Variants in DLGAP2 observed in about 807,000 individuals in gnomAD.
The protein encoded by DLGAP2 is disks large-associated protein 2.
A neutral mutation model predicts 100.3 loss-of-function variants in DLGAP2; 26 were observed. The ratio of observed to expected loss-of-function variants is 0.26; its 90% confidence interval spans 0.19 to 0.36. The LOEUF is 0.36. Ranked by LOEUF, DLGAP2 falls within the 10% of genes least tolerant of loss-of-function variation. DLGAP2 has a pLI of 1.00. For synonymous variants in DLGAP2, 886 were observed against 630.1 expected (o/e 1.41, Z -6.08); for missense variants, 1,858 against 1,453.2 (o/e 1.28, Z -4.53).
intron 3 of DLGAP2, among the ~76,000 whole-genome samples, chr8:1,501,131 C>G (rs934924619): frequency 2.0e-5 from 3 of 152,116 alleles, no homozygotes; most frequent in Admixed American, 6.5e-5. Flanking sequence ...ATGTCCGTGT[C>G]TAGGTGGGAG....
intron 3 of DLGAP2, among the ~76,000 whole-genome samples, chr8:1,384,265 A>T (rs530921886): frequency 1.3e-5 from 2 of 152,256 alleles, no homozygotes; most frequent in Non-Finnish European, 2.9e-5. Flanking sequence ...TTGTGACTGC[A>T]CAGTCGCTGC....
At chr8:1,097,392 C>A (rs1200316532) in intron 2 of DLGAP2, among the ~76,000 whole-genome samples, 1 of 131,862 alleles carries the variant, frequency 7.6e-6, no homozygotes, top group Non-Finnish European at 1.6e-5. Context: ...GAGCCCGGGG[C>A]AGGCCTTCAC....
chr8:1,391,857 C>T (rs55831993), intron 3 of DLGAP2, among the ~76,000 whole-genome samples: 3,527 of 152,330 alleles, frequency 0.023, 110 homozygotes, highest in African/African-American at 0.07. Flanking sequence ...CTCCAAGACC[C>T]GAGTATGTGT....
At chr8:874,840 T>A (rs535519953) in intron 1 of DLGAP2, among the ~76,000 whole-genome samples, 25 of 152,322 alleles carry the variant, frequency 1.6e-4, no homozygotes, top group African/African-American at 5.5e-4. Context: ...GTTGAACTTG[T>A]GTCTTCATTT....
chr8:1,456,405 A>G (rs1798313756), intron 3 of DLGAP2, among the ~76,000 whole-genome samples: 1 of 152,084 alleles, frequency 6.6e-6, no homozygotes, highest in Admixed American at 6.6e-5. Flanking sequence ...ACATCAAAGC[A>G]TTTTCAAGGC....
chr8:1,297,423 C>G (rs574308797), intron 3 of DLGAP2, among the ~76,000 whole-genome samples: 1 of 149,996 alleles, frequency 6.7e-6, no homozygotes, highest in Non-Finnish European at 1.5e-5. Context: ...GTGGCATGCG[C>G]GAACAGACAC....
chr8:1,005,245 G>A (rs73538144), intron 2 of DLGAP2, among the ~76,000 whole-genome samples: 6,151 of 152,226 alleles, frequency 0.04, 346 homozygotes, highest in African/African-American at 0.13. Flanking sequence ...TGAGGGAACA[G>A]CTGTGGAGCT....
At chr8:1,325,293 A>G (rs1015210087) in intron 3 of DLGAP2, among the ~76,000 whole-genome samples, 4 of 152,164 alleles carry the variant, frequency 2.6e-5, no homozygotes, top group South Asian at 4.1e-4. Context: ...TCTTTCCTGG[A>G]CCAAGGAAGT....
In DLGAP2 at chr8:1,691,638, C is replaced by T. The variant is rs557276808; in HGVS notation, c.2796+12C>T. 7 of 1,605,330 alleles carry T rather than the reference C, an allele frequency of 4.4e-6. No homozygotes were observed. Among genetic ancestry groups the T allele is most frequent in the South Asian group, 3.3e-5 (3 of 90,504 alleles). On this transcript the variant is annotated intron_variant, in intron 13 of 14. Coordinates refer to ENST00000637795, the MANE Select transcript of DLGAP2 (RefSeq NM_001346810.2). ...GCCAACAGAATATGGTAAGTGAATC[C>T]TCAGTGAACCCCTGTTCCCTGTAAC...
intron 2 of DLGAP2, among the ~76,000 whole-genome samples, chr8:997,596 G>T (rs1030863809): frequency 6.6e-6 from 1 of 152,060 alleles, no homozygotes; most frequent in African/African-American, 2.4e-5. Context: ...GTAACTATTT[G>T]ATTTTAATAA....
At chr8:1,287,394 G>A (rs530890063) in intron 3 of DLGAP2, among the ~76,000 whole-genome samples, 4 of 141,694 alleles carry the variant, frequency 2.8e-5, no homozygotes, top group Admixed American at 7.1e-5. Flanking sequence ...ATGTGGTTTT[G>A]TTAGGAGGGG....
intron 12 of DLGAP2, among the ~76,000 whole-genome samples, chr8:1,689,802 GC>G (rs1799211007): frequency 6.6e-6 from 1 of 152,200 alleles, no homozygotes; most frequent in South Asian, 2.1e-4. Context: ...TAGATCATCT[GC>G]CCCCTGCCTG....
At chr8:1,353,360 C>G (rs1801778726) in intron 3 of DLGAP2, among the ~76,000 whole-genome samples, 1 of 152,212 alleles carries the variant, frequency 6.6e-6, no homozygotes, top group South Asian at 2.1e-4. Context: ...TCATTAGAAA[C>G]TGTACTTCGA....
At chr8:1,142,649 G>T (rs2129050649) in intron 2 of DLGAP2, among the ~76,000 whole-genome samples, 1 of 152,322 alleles carries the variant, frequency 6.6e-6, no homozygotes, top group South Asian at 2.1e-4. Flanking sequence ...CGACTTCGGT[G>T]AAGTGGTAAC....
chr8:1,623,510 G>A (rs1407004400), intron 6 of DLGAP2, among the ~76,000 whole-genome samples: 1 of 151,958 alleles, frequency 6.6e-6, no homozygotes, highest in African/African-American at 2.4e-5. Flanking sequence ...AGTGCGTGAT[G>A]ACCTGACACC....
intron 2 of DLGAP2, among the ~76,000 whole-genome samples, chr8:1,190,005 T>C (rs1797598879): frequency 6.6e-6 from 1 of 152,152 alleles, no homozygotes; most frequent in South Asian, 2.1e-4. Flanking sequence ...GAACCCCCGT[T>C]TTCTGGAGTT....
intron 2 of DLGAP2, among the ~76,000 whole-genome samples, chr8:987,744 C>T (rs1018660020): frequency 2.6e-5 from 4 of 152,148 alleles, no homozygotes; most frequent in African/African-American, 9.7e-5. Context: ...ACTCCTTTCA[C>T]CAAGGCAGTT....
chr8:1,191,124 T>G (rs1797624986), intron 2 of DLGAP2, among the ~76,000 whole-genome samples: 4 of 152,120 alleles, frequency 2.6e-5, no homozygotes, highest in Admixed American at 2.0e-4. Flanking sequence ...TTGCAATACA[T>G]TTTGTGAATA....
At chr8:1,693,894 T>TTTGA (rs1799314847) in intron 13 of DLGAP2, among the ~76,000 whole-genome samples, 1 of 152,086 alleles carries the variant, frequency 6.6e-6, no homozygotes, top group East Asian at 1.9e-4. Context: ...CTCCATAGTA[T>TTTGA]CTATTTGATT....
Sources: gnomAD v4.1 joint callset for allele counts (sites outside exome capture counted in the v4.1 genomes callset) on GRCh38, gnomAD v4.1.1 for gene constraint, MANE v1.5 for transcripts, NCBI Gene and HGNC (gene_info 2026-07-23, HGNC 2026-07-21) for gene names.